The following NAGPA variants were observed in gnomAD, a reference collection of about 807,000 sequenced individuals.
The protein encoded by NAGPA is N-acetylglucosamine-1-phosphodiester alpha-N-acetylglucosaminidase, also known as alpha-N-acetylglucosaminyl phosphodiesterase.
In NAGPA, 56 loss-of-function variants were observed where a neutral mutation model predicts 48.5. That is an observed-to-expected ratio of 1.15 (90% CI 0.93 to 1.44). The LOEUF is 1.44. Ranked by LOEUF, NAGPA falls within the 40% of genes most tolerant of loss-of-function variation. The pLI, the probability that NAGPA is intolerant of heterozygous loss-of-function variation, is 0.00. For missense variants in NAGPA, 888 were observed against 735.0 expected (o/e 1.21, Z -2.41); for synonymous variants, 399 against 315.5 (o/e 1.26, Z -2.81).
rs777398400 is a variant in NAGPA, at chr16:5,033,844, C to T, written c.71G>A (p.Gly24Asp). ...CTGCACTCACCCCGAGTCGAGGCCG[C>T]CGGACGCTTCCCAGAGGAAGCCGAA... is the stretch of plus-strand genomic sequence containing the variant. The part of the protein sequence containing the change: ...ALFGFLWEAS[G>D]GLDSGASRDD... The change falls in exon 1 of 10, where the codon GGC becomes GAC. Residue 24 changes from glycine to aspartate, a missense_variant. Coordinates refer to ENST00000312251, the MANE Select transcript of NAGPA (RefSeq NM_016256.4). This position sits in a 1 kb window ranked among gnomAD's most constrained non-coding sequence, Gnocchi z 4.2. 2.7e-5 allele frequency: 42 copies of T among 1,549,978 alleles called. No individual in the cohort carries two copies. The South Asian group carries it at 4.9e-4, about 18-fold the overall frequency.
chr16:5,029,109 G>GCACAT, intron 4 of NAGPA, 101 bp from the exon 5 acceptor site: 1 of 1,581,692 alleles, frequency 6.3e-7, no homozygotes, highest in African/African-American at 1.3e-5. Context: ...CACAGTGCAG[G>GCACAT]CACATTTCTA....
chr16:5,033,548 C>A lies in NAGPA; in HGVS notation c.267G>T (p.Ala89=). ...RTFVSHFRDR[A]VAGHLTRAVE... ...CGGCCCGCGTCAGGTGGCCGGCCAC[C>A]GCGCGGTCCCTGAAGTGCGACACGA... The change falls in exon 2 of 10, where the codon GCG becomes GCT. Residue 89 remains alanine (A), a synonymous_variant. Transcript: ENST00000312251. The surrounding 1 kb of genome is among the most constrained non-coding windows in gnomAD (Gnocchi z 4.2). The A allele has an allele frequency of 6.6e-7, 1 of 1,505,520 alleles. No homozygotes were observed. Among genetic ancestry groups the A allele is most frequent in the African/African-American group, 1.4e-5 (1 of 69,874 alleles). The allele number at this position is 1,505,520 out of a possible 1,614,324, so 93.3% of individuals were successfully genotyped here. A position where few individuals can be genotyped will look rare whatever the true frequency, so the allele number is the denominator to read the frequency against.
intron 4 of NAGPA, 130 bp downstream of exon 4, chr16:5,030,255 C>A (rs1956075866): frequency 1.2e-6 from 1 of 841,384 alleles, no homozygotes; most frequent in African/African-American, 1.7e-5. Context: ...TGAGGGGGCC[C>A]TGGGAGGGGG....
Position 5,025,235 on chromosome 16 carries a change from A to C in NAGPA, c.*243T>G. 1.7e-6 allele frequency: 1 copy of C among 574,906 alleles called. No individual in the cohort carries two copies. Among genetic ancestry groups the C allele is most frequent in the Non-Finnish European group, 3.1e-6 (1 of 321,398 alleles). The allele number at this position is 574,906 out of a possible 1,614,324, so 35.6% of individuals were successfully genotyped here. ...GGGCACGGGCTTCTCGGCAGCAGAC[A>C]CAGGCAGGCCAGAAGCAGGCAGCTG... On this transcript the variant is annotated 3_prime_UTR_variant, in exon 10 of 10. Coordinates refer to ENST00000312251, the MANE Select transcript of NAGPA (RefSeq NM_016256.4).
In NAGPA at chr16:5,027,340, G is replaced by C. The variant is rs747044010; in HGVS notation, c.1214C>G (p.Pro405Arg). 7.4e-6 allele frequency: 12 copies of C among 1,614,154 alleles called. No individual in the cohort carries two copies. Among genetic ancestry groups the C allele is most frequent in the African/African-American group, 5.3e-5 (4 of 75,048 alleles). Residue 405 changes from proline to arginine, a missense_variant, in exon 8 of 10, where the codon CCT (proline) becomes CGT (arginine). Coordinates refer to ENST00000312251, the MANE Select transcript of NAGPA (RefSeq NM_016256.4). ...LGWHGPGCQRPCKCEHHCPCD... is the reference protein window; with the variant it reads ...LGWHGPGCQRRCKCEHHCPCD... ...GGGACAATGGTGCTCACACTTACAA[G>C]GCCTCTGGCAGCCCGGCCCATGCCA...
chr16:5,031,695 A>G, intron 3 of NAGPA, 50 bp downstream of exon 3: 4 of 1,613,158 alleles, frequency 2.5e-6, no homozygotes, highest in Non-Finnish European at 3.4e-6. Flanking sequence ...CGCCCAGCCC[A>G]CTGGTCCTGG....
chr16:5,033,572 G>T lies in NAGPA; in HGVS notation c.243C>A (p.Phe81Leu). The change falls in exon 2 of 10, where the codon TTC (phenylalanine) becomes TTA (leucine). Residue 81 changes from phenylalanine to leucine, a missense_variant. By Grantham distance (22) the Phe-to-Leu change is conservative. Transcript: ENST00000312251. The surrounding 1 kb of genome is among the most constrained non-coding windows in gnomAD (Gnocchi z 4.2). The stretch of plus-strand genomic sequence containing the variant: ...CCGCGCGGTCCCTGAAGTGCGACAC[G>T]AAGGTGCGCACGGCCAGACCGCCGG... The part of the protein sequence containing the change: ...PGAGGLAVRT[F>L]VSHFRDRAVA... 1 of 1,500,898 alleles carries T rather than the reference G, an allele frequency of 6.7e-7. No homozygotes were observed. The highest frequency in any genetic ancestry group is 8.8e-7 in the Non-Finnish European group (1 of 1,134,534). 93.0% of individuals were successfully genotyped at this position (1,500,898 alleles called of 1,614,324 possible).
Position 5,033,383 on chromosome 16 carries a change from G to T in NAGPA, c.432C>A (p.Asn144Lys). ...VAQNGGFFRM[N>K]SGECLGNVVS... ...CCACGTTCCCCAGGCACTCGCCCGA[G>T]TTCATGCGGAAGAAGCCGCCGTTCT... The change falls in exon 2 of 10, where the codon AAC (asparagine) becomes AAA (lysine). Residue 144 changes from asparagine (N) to lysine (K), a missense_variant. Coordinates refer to ENST00000312251, the MANE Select transcript of NAGPA (RefSeq NM_016256.4). The surrounding 1 kb of genome is among the most constrained non-coding windows in gnomAD (Gnocchi z 4.2). The T allele has an allele frequency of 6.3e-7, 1 of 1,597,352 alleles. No homozygotes were observed. The highest frequency in any genetic ancestry group is 8.5e-7 in the Non-Finnish European group (1 of 1,179,422).
intron 4 of NAGPA, 199 bp from the exon 5 acceptor site, chr16:5,029,207 G>C: frequency 3.5e-6 from 3 of 850,112 alleles, no homozygotes; most frequent in Non-Finnish European, 5.5e-6. Context: ...CTGTTACATG[G>C]CATAGGAATC....
At chr16:5,031,390 G>C in intron 3 of NAGPA, 1 of 344,250 alleles carries the variant, frequency 2.9e-6, no homozygotes, top group South Asian at 2.4e-5. Context: ...GTCTGAGGGT[G>C]TGGGGCTTTG....
In NAGPA at chr16:5,028,268, T is replaced by C. The variant is rs959903761; in HGVS notation, c.921-83A>G. ...TCCAGGCTGCCCCCAACCACCCCTCTCTCCATTCTCACCTGTCTACCTACC... is the reference window on the plus strand; with the variant it reads ...TCCAGGCTGCCCCCAACCACCCCTCCCTCCATTCTCACCTGTCTACCTACC... On this transcript the variant is annotated intron_variant, in intron 5 of 9. Coordinates refer to ENST00000312251, the MANE Select transcript of NAGPA (RefSeq NM_016256.4). The C allele has an allele frequency of 4.5e-5, 60 of 1,340,674 alleles. 1 individual carries two copies. Among genetic ancestry groups the C allele is most frequent in the Non-Finnish European group, 2.0e-5 (21 of 1,033,482 alleles). The allele number at this position is 1,340,674 out of a possible 1,614,324, so 83.0% of individuals were successfully genotyped here. A position where few individuals can be genotyped will look rare whatever the true frequency, so the allele number is the denominator to read the frequency against.
At position 5,028,831 on chromosome 16, in the gene NAGPA, G is replaced by A. The variant is rs75847620; in HGVS notation, c.920+49C>T. On this transcript the variant is annotated intron_variant, in intron 5 of 9. Transcript: ENST00000312251. ...AATATTGGCTGAATGAGACAGGCTG[G>A]GGCAGACCTGGACTTCAGCCCTCAC... 3,939 of 1,612,916 alleles carry A rather than the reference G, an allele frequency of 2.4e-3. 102 individuals carry two copies. In the East Asian group the frequency reaches 0.063, roughly 26 times the overall value.
chr16:5,030,664 CG>C, intron 3 of NAGPA, 171 bp from the exon 4 acceptor site: 4 of 678,716 alleles, frequency 5.9e-6, no homozygotes, highest in Non-Finnish European at 8.0e-6. Flanking sequence ...CCAGGGCAGC[CG>C]GGGGGTCTCT....
chr16:5,028,431 G>A, intron 5 of NAGPA: 1 of 785,584 alleles, frequency 1.3e-6, no homozygotes, highest in Non-Finnish European at 2.1e-6. Flanking sequence ...TAAAGACAGG[G>A]TCTATGTTGC....
chr16:5,030,293 G>C, intron 4 of NAGPA, 92 bp downstream of exon 4: 2 of 1,179,004 alleles, frequency 1.7e-6, no homozygotes, highest in Non-Finnish European at 2.5e-6. Flanking sequence ...ATCCCAGAAA[G>C]CAGGTAGAGT....
intron 3 of NAGPA, 113 bp downstream of exon 3, chr16:5,031,632 T>C: frequency 2.8e-6 from 4 of 1,432,222 alleles, no homozygotes; most frequent in Non-Finnish European, 3.9e-6. Context: ...CCCAGAATAG[T>C]GCTGGGCACA....
intron 4 of NAGPA, 55 bp downstream of exon 4, chr16:5,030,330 G>T: frequency 6.7e-7 from 1 of 1,484,510 alleles, no homozygotes. Context: ...TTGGGTCAAC[G>T]TTCCTCCTAG....
At position 5,025,295 on chromosome 16, in the gene NAGPA, C is replaced by T; in HGVS notation, c.*183G>A. On this transcript the variant is annotated 3_prime_UTR_variant, in exon 10 of 10. Coordinates refer to ENST00000312251, the MANE Select transcript of NAGPA (RefSeq NM_016256.4). Reference sequence around the variant, plus strand: ...AGCGAGCATGGTATTGCTAGGGTTGCAGGTGCCCTGGCAGGTGGCCAGGTG... The same window carrying T: ...AGCGAGCATGGTATTGCTAGGGTTGTAGGTGCCCTGGCAGGTGGCCAGGTG... 4.3e-6 allele frequency: 3 copies of T among 702,516 alleles called. No homozygotes were observed. In the South Asian group the frequency reaches 5.2e-5, roughly 12 times the overall value. The allele number at this position is 702,516 out of a possible 1,614,324, so 43.5% of individuals were successfully genotyped here. A position where few individuals can be genotyped will look rare whatever the true frequency, so the allele number is the denominator to read the frequency against.
rs747639632 is a variant in NAGPA at position 5,033,680 on chromosome 16, C to A, written c.135G>T (p.Ala45=). 6.9e-6 allele frequency: 11 copies of A among 1,591,578 alleles called. No individual in the cohort carries two copies. Among genetic ancestry groups the A allele is most frequent in the Admixed American group, 5.1e-5 (3 of 58,760 alleles). ...DLLLPYPRAR[A]RLPRDCTRVR... ...CCCGTGTGCAGTCCCGGGGGAGGCG[C>A]GCGCGCGCGCGTGGATAGGGCAGTA... Residue 45 remains alanine (A), a synonymous_variant, in exon 2 of 10, where the codon GCG becomes GCT. Coordinates refer to ENST00000312251, the MANE Select transcript of NAGPA (RefSeq NM_016256.4). The surrounding 1 kb of genome is among the most constrained non-coding windows in gnomAD (Gnocchi z 4.2).
Sources: gnomAD v4.1 joint callset for allele counts on GRCh38, gnomAD v4.1.1 for gene constraint, Gnocchi (gnomAD v3.1) non-coding constraint, MANE v1.5 for transcripts, NCBI Gene and HGNC (gene_info 2026-07-23, HGNC 2026-07-21) for gene names.